Variants in POC1B observed in about 807,000 individuals in gnomAD.
POC1B encodes the protein POC1 centriolar protein B.
In POC1B, 44 loss-of-function variants were observed where a neutral mutation model predicts 60.6. The observed-to-expected ratio is 0.73, with a 90% CI of 0.57 to 0.93. The LOEUF (loss-of-function observed/expected upper bound fraction) is 0.93. POC1B is among the 40% of genes least tolerant of loss of function. The pLI is 0.00. For synonymous variants in POC1B, 180 were observed against 198.9 expected (o/e 0.90, Z 0.80); for missense variants, 555 against 572.3 (o/e 0.97, Z 0.31).
At chr12:89,417,151 T>C (rs1880377547), downstream of POC1B, among the ~76,000 whole-genome samples, 1 of 152,248 alleles carries the variant, frequency 6.6e-6, no homozygotes, top group Admixed American at 6.5e-5. Context: ...AAATAAGAAA[T>C]AATCTATTTG....
chr12:89,403,011 CAT>C, the POC1B span, among the ~76,000 whole-genome samples: 2 of 149,426 alleles, frequency 1.3e-5, no homozygotes, highest in Non-Finnish European at 3.0e-5. Flanking sequence ...GACACAAACA[CAT>C]TTTTTTTTTT....
intron 2 of POC1B, among the ~76,000 whole-genome samples, chr12:89,519,229 C>G (rs537158706): frequency 1.3e-5 from 2 of 152,284 alleles, no homozygotes; most frequent in Non-Finnish European, 2.9e-5. Context: ...GGTACTAACA[C>G]CCCTTCAGAA....
intron 10 of POC1B, among the ~76,000 whole-genome samples, chr12:89,444,989 G>A (rs1054747501): frequency 6.6e-6 from 1 of 152,130 alleles, no homozygotes; most frequent in South Asian, 2.1e-4. Flanking sequence ...CAAATCATGA[G>A]TGAATTCCCA....
chr12:89,452,595 TAAAG>T (rs1380071184), intron 10 of POC1B, among the ~76,000 whole-genome samples: 1 of 152,094 alleles, frequency 6.6e-6, no homozygotes, highest in Admixed American at 6.5e-5. Flanking sequence ...CTTTGAAACT[TAAAG>T]AGAAAGAAGG....
intron 4 of POC1B, among the ~76,000 whole-genome samples, chr12:89,480,601 T>A (rs1194187806): frequency 1.5e-5 from 2 of 136,018 alleles, no homozygotes; most frequent in Admixed American, 1.5e-4. Flanking sequence ...TTGTATTTTT[T>A]TTTTTTTTTT....
In POC1B at chr12:89,425,185, C is replaced by T; in HGVS notation, c.1308G>A (p.Met436Ile). 1 of 1,614,096 alleles carries T rather than the reference C, an allele frequency of 6.2e-7. No homozygotes were observed. Among genetic ancestry groups the T allele is most frequent in the Non-Finnish European group, 8.5e-7 (1 of 1,179,984 alleles). The change falls in exon 11 of 12, where the codon ATG (methionine) becomes ATA (isoleucine). Residue 436 changes from methionine (M) to isoleucine (I), a missense_variant. Met to Ile is a conservative substitution (Grantham distance 10). Transcript: ENST00000313546. Reference sequence around the variant, plus strand: ...CCTGTGTCAAAACATTGAGTTGTTCCATAATATGCTCTAAAGCATCAGTCA... The same window carrying T: ...CCTGTGTCAAAACATTGAGTTGTTCTATAATATGCTCTAAAGCATCAGTCA... ...LAVTDALEHIMEQLNVLTQTV... is the reference protein window; with the variant it reads ...LAVTDALEHIIEQLNVLTQTV...
chr12:89,474,236 T>G (rs959518621), intron 4 of POC1B, among the ~76,000 whole-genome samples: 2 of 151,626 alleles, frequency 1.3e-5, no homozygotes, highest in African/African-American at 2.4e-5. Flanking sequence ...TGTAAAAAAC[T>G]AATGCAAGGG....
At chr12:89,439,985 A>G (rs369377502) in intron 10 of POC1B, among the ~76,000 whole-genome samples, 6 of 152,276 alleles carry the variant, frequency 3.9e-5, no homozygotes, top group African/African-American at 7.2e-5. Context: ...ACTGCCTTCA[A>G]TTCATACTTT....
intron 1 of POC1B, 27 bp from the exon 2 acceptor site, chr12:89,525,231 A>T: frequency 6.3e-7 from 1 of 1,595,516 alleles, no homozygotes; most frequent in Non-Finnish European, 8.5e-7. Context: ...TCAAGTTTTG[A>T]AAGCCGCCGC....
At chr12:89,478,966 G>A (rs1883217251) in intron 4 of POC1B, among the ~76,000 whole-genome samples, 3 of 152,014 alleles carry the variant, frequency 2.0e-5, no homozygotes, top group Non-Finnish European at 4.4e-5. Flanking sequence ...AAAAACAAAG[G>A]GCTATACTAA....
At chr12:89,416,980 T>A (rs747744534), downstream of POC1B, among the ~76,000 whole-genome samples, 1 of 152,210 alleles carries the variant, frequency 6.6e-6, no homozygotes, top group Non-Finnish European at 1.5e-5. Flanking sequence ...GTAAAGCCTA[T>A]CAACTTACCT....
At chr12:89,457,895 G>T (rs910584890) in intron 10 of POC1B, among the ~76,000 whole-genome samples, 17 of 152,234 alleles carry the variant, frequency 1.1e-4, no homozygotes, top group African/African-American at 3.9e-4. Context: ...TTATGGTCCT[G>T]TATTATAGAT....
At chr12:89,473,938 C>T (rs1177833171) in intron 4 of POC1B, among the ~76,000 whole-genome samples, 1 of 152,028 alleles carries the variant, frequency 6.6e-6, no homozygotes, top group Non-Finnish European at 1.5e-5. Flanking sequence ...GGCGCGGTGG[C>T]TCATGCCTGT....
At chr12:89,416,436 T>C (rs1468392298), downstream of POC1B, among the ~76,000 whole-genome samples, 1 of 152,024 alleles carries the variant, frequency 6.6e-6, no homozygotes, top group Non-Finnish European at 1.5e-5. Context: ...AAAAGATGCA[T>C]GATTGTGGGG....
At position 89,471,747 on chromosome 12, in the gene POC1B, G is replaced by A. The variant is rs1882906182; in HGVS notation, c.561-18C>T. 7.9e-7 allele frequency: 1 copy of A among 1,271,178 alleles called. No homozygotes were observed. The highest frequency in any genetic ancestry group is 1.1e-6 in the Non-Finnish European group (1 of 898,960). The allele number at this position is 1,271,178 out of a possible 1,614,324, so 78.7% of individuals were successfully genotyped here. A position where few individuals can be genotyped will look rare whatever the true frequency, so the allele number is the denominator to read the frequency against. On this transcript the variant is annotated intron_variant, in intron 5 of 11. Transcript: ENST00000313546. Reference sequence around the variant, plus strand: ...TTGCAAATCTAGGAGGAAAGAATAAGATGACCTAATATTTCAATTTCTTTT... The same window carrying A: ...TTGCAAATCTAGGAGGAAAGAATAAAATGACCTAATATTTCAATTTCTTTT...
intron 2 of POC1B, chr12:89,524,349 G>C: frequency 6.2e-7 from 1 of 1,613,976 alleles, no homozygotes; most frequent in African/African-American, 1.3e-5. Context: ...AATCTGCAGG[G>C]GGCTTCTTAT....
intron 9 of POC1B, 64 bp downstream of exon 9, chr12:89,466,706 C>T: frequency 4.8e-6 from 7 of 1,457,666 alleles, no homozygotes; most frequent in Non-Finnish European, 6.5e-6. Flanking sequence ...ATTTCAAACA[C>T]CTCCTTCAGC....
rs776285096 is a variant in POC1B at position 89,472,198 on chromosome 12, T to C, written c.530A>G (p.Gln177Arg). The C allele has an allele frequency of 3.7e-6, 6 of 1,600,848 alleles. No homozygotes were observed. The highest frequency in any genetic ancestry group is 1.1e-5 in the South Asian group (1 of 90,414). ...TIKIWDTTNKQCVNNFSDSVG... is the reference protein window; with the variant it reads ...TIKIWDTTNKRCVNNFSDSVG... The stretch of plus-strand genomic sequence containing the variant: ...GGAATCTGAGAAGTTATTAACACAT[T>C]GCTTATTTGTGGTATCCCAAATTTT... Residue 177 changes from glutamine (Q) to arginine (R), a missense_variant, in exon 5 of 12, where the codon CAA becomes CGA. Physicochemically the swap from Gln to Arg is conservative, Grantham distance 43. Coordinates refer to ENST00000313546, the MANE Select transcript of POC1B (RefSeq NM_172240.3).
At chr12:89,449,699 T>C (rs1370734035) in intron 10 of POC1B, among the ~76,000 whole-genome samples, 2 of 152,038 alleles carry the variant, frequency 1.3e-5, no homozygotes, top group Non-Finnish European at 1.5e-5. Flanking sequence ...GGCAAGAACA[T>C]CCAGGAAAGT....
Sources: gnomAD v4.1 joint callset for allele counts (sites outside exome capture counted in the v4.1 genomes callset) on GRCh38, gnomAD v4.1.1 for gene constraint, MANE v1.5 for transcripts, NCBI Gene and HGNC (gene_info 2026-07-23, HGNC 2026-07-21) for gene names.